ACTR5: variants seen among roughly 807,000 people sequenced by gnomAD.
ACTR5 encodes the protein actin related protein 5.
ACTR5 carries 43 observed loss-of-function variants against 61.2 expected under a neutral mutation model. That is an observed-to-expected ratio of 0.70 (90% confidence interval 0.55 to 0.91). ACTR5 has a LOEUF of 0.91. Ranked by LOEUF, ACTR5 falls within the 40% of genes least tolerant of loss-of-function variation. The probability of loss-of-function intolerance (pLI) is 0.00; values close to 1 mark genes in which losing one functional copy is unlikely to be tolerated. For missense variants in ACTR5, 798 were observed against 782.2 expected, an observed-to-expected ratio of 1.02 and a Z score of -0.24; for synonymous variants, 333 against 310.5, an observed-to-expected ratio of 1.07 and a Z score of -0.76.
At chr20:38,767,703 T>C in intron 8 of ACTR5, 107 bp downstream of exon 8, 3 of 1,301,826 alleles carry the variant, frequency 2.3e-6, no homozygotes, top group Admixed American at 4.8e-5. Context: ...TTTTTGTGGC[T>C]TTTCTTCTGG....
intron 5 of ACTR5, among the ~76,000 whole-genome samples, chr20:38,762,284 G>A (rs1187325981): frequency 6.6e-6 from 1 of 152,234 alleles, no homozygotes; most frequent in East Asian, 1.9e-4. Flanking sequence ...GCTCCTCCCA[G>A]TGTGGCCACT....
chr20:38,757,538 A>G (rs1260800173), intron 5 of ACTR5, among the ~76,000 whole-genome samples: 1 of 151,872 alleles, frequency 6.6e-6, no homozygotes, highest in East Asian at 1.9e-4. Context: ...TTATCCTTTC[A>G]GAAAAAAAAT....
chr20:38,771,497 C>T, intron 8 of ACTR5, 62 bp from the exon 9 acceptor site: 2 of 1,566,106 alleles, frequency 1.3e-6, no homozygotes, highest in Non-Finnish European at 8.7e-7. Context: ...TGTAGCTGAG[C>T]CAGGTCAACA....
rs1202164711 is a variant in ACTR5, at chr20:38,750,187, A to T, written c.553A>T (p.Ile185Phe). ...KPKNSMCSGL[I>F]ISSGYQCTHV... ...AAAGAACTCGATGTGCAGTGGGCTA[A>T]TCATTTCATCTGGATACCAGTGTAC... The change falls in exon 2 of 9, where the codon ATC (isoleucine) becomes TTC (phenylalanine). Residue 185 changes from isoleucine (I) to phenylalanine (F), a missense_variant. Physicochemically the swap from Ile to Phe is conservative, Grantham distance 21. Transcript: ENST00000243903. 6.2e-7 allele frequency: 1 copy of T among 1,614,130 alleles called. No individual in the cohort carries two copies. Among genetic ancestry groups the T allele is most frequent in the African/African-American group, 1.3e-5 (1 of 74,944 alleles).
At chr20:38,755,774 T>A in intron 4 of ACTR5, 83 bp from the exon 5 acceptor site, 1 of 1,517,378 alleles carries the variant, frequency 6.6e-7, no homozygotes, top group South Asian at 1.1e-5. Flanking sequence ...CCAGGGGAGC[T>A]CTGGAAGCCC....
chr20:38,748,890 A>T (rs906896114), intron 1 of ACTR5, 37 bp downstream of exon 1: 2 of 1,567,738 alleles, frequency 1.3e-6, no homozygotes, highest in Non-Finnish European at 1.7e-6. Flanking sequence ...GCTGGGTTTG[A>T]GGGGAGGGGT....
chr20:38,749,928 C>CTTT lies in ACTR5; in HGVS notation c.376-82_376-81insTTT, dbSNP rs2084376169. On this transcript the variant is annotated intron_variant, in intron 1 of 8. Coordinates refer to ENST00000243903, the MANE Select transcript of ACTR5 (RefSeq NM_024855.4). ...GAAGCCAAAAGCAAATTCAGTCCTG[C>CTTT]AATAAGGATTTTGGGTTCTTTTATG... The CTTT allele has an allele frequency of 2.0e-5, 24 of 1,230,236 alleles. 1 individual carries two copies. The highest frequency in any genetic ancestry group is 2.7e-5 in the Non-Finnish European group (24 of 875,366). 76.2% of individuals were successfully genotyped at this position (1,230,236 alleles called of 1,614,324 possible). A position where few individuals can be genotyped will look rare whatever the true frequency, so the allele number is the denominator to read the frequency against.
intron 6 of ACTR5, among the ~76,000 whole-genome samples, chr20:38,765,972 A>G (rs935749585): frequency 5.9e-5 from 9 of 152,104 alleles, no homozygotes; most frequent in African/African-American, 2.2e-4. Flanking sequence ...TGTCCTCTAG[A>G]CTCGGCCTTT....
chr20:38,752,148 G>A lies in ACTR5; in HGVS notation c.623G>A (p.Cys208Tyr). The part of the protein sequence containing the change: ...ILEGRLDAKN[C>Y]KRINLGGSQA... Reference sequence around the variant, plus strand: ...GGTTATAGATTAGATGCTAAAAACTGCAAGCGCATCAATCTTGGAGGAAGC... The same window carrying A: ...GGTTATAGATTAGATGCTAAAAACTACAAGCGCATCAATCTTGGAGGAAGC... The change falls in exon 3 of 9, where the codon TGC becomes TAC. Residue 208 changes from cysteine to tyrosine, a missense_variant. Physicochemically the swap from Cys to Tyr is radical, Grantham distance 194. Coordinates refer to ENST00000243903, the MANE Select transcript of ACTR5 (RefSeq NM_024855.4). 6.2e-7 allele frequency: 1 copy of A among 1,613,522 alleles called. No individual in the cohort carries two copies. The highest frequency in any genetic ancestry group is 8.5e-7 in the Non-Finnish European group (1 of 1,179,642).
chr20:38,755,312 T>C (rs2084413628), intron 4 of ACTR5, 138 bp downstream of exon 4: 1 of 858,860 alleles, frequency 1.2e-6, no homozygotes. Flanking sequence ...TCCAGGGGGA[T>C]CATCAGCATA....
At chr20:38,766,930 A>G (rs1046271685) in intron 7 of ACTR5, among the ~76,000 whole-genome samples, 1 of 152,236 alleles carries the variant, frequency 6.6e-6, no homozygotes, top group African/African-American at 2.4e-5. Flanking sequence ...CTAGCAAGGA[A>G]GAAAAAGCTG....
intron 6 of ACTR5, 75 bp from the exon 7 acceptor site, chr20:38,766,163 C>T (rs1268692614): frequency 7.9e-6 from 12 of 1,520,690 alleles, no homozygotes; most frequent in African/African-American, 1.4e-5. Context: ...TTAAGAAACG[C>T]AGTTTGAGGA....
chr20:38,769,341 C>A (rs1047067859), intron 8 of ACTR5, among the ~76,000 whole-genome samples: 1 of 152,146 alleles, frequency 6.6e-6, no homozygotes, highest in African/African-American at 2.4e-5. Context: ...AAGCCCTTGG[C>A]ACAGTATTAC....
Position 38,750,224 on chromosome 20 carries a change from C to T in ACTR5, c.590C>T (p.Pro197Leu). 6.2e-7 allele frequency: 1 copy of T among 1,613,964 alleles called. No individual in the cohort carries two copies. Among genetic ancestry groups the T allele is most frequent in the South Asian group, 1.1e-5 (1 of 91,008 alleles). ...GGATACCAGTGTACGCATGTTTTAC[C>T]CATCTTAGAAGGGAGGTGAGTTGCA... ...SSGYQCTHVL[P>L]ILEGRLDAKN... Residue 197 changes from proline (P) to leucine (L), a missense_variant, in exon 2 of 9, where the codon CCC (proline) becomes CTC (leucine). By Grantham distance (98) the Pro-to-Leu change is moderately conservative. Transcript: ENST00000243903.
intron 5 of ACTR5, among the ~76,000 whole-genome samples, chr20:38,764,802 T>C (rs1357759601): frequency 1.3e-5 from 2 of 152,220 alleles, no homozygotes; most frequent in Admixed American, 6.5e-5. Flanking sequence ...CCCAAGTAGC[T>C]GGGGCTGTAG....
At position 38,766,389 on chromosome 20, in the gene ACTR5, A is replaced by C. The variant is rs757197053; in HGVS notation, c.1433+12A>C. On this transcript the variant is annotated intron_variant, in intron 7 of 8. Transcript: ENST00000243903. The stretch of plus-strand genomic sequence containing the variant: ...TACATTCTGGACAGGTGAGACAGCG[A>C]ATCTGCTTTTCCTTCTATCTTCCTG... 1.3e-6 allele frequency: 2 copies of C among 1,567,798 alleles called. No homozygotes were observed. The highest frequency in any genetic ancestry group is 2.7e-5 in the African/African-American group (2 of 72,936).
Position 38,752,250 on chromosome 20 carries a change from T to C in ACTR5, c.725T>C (p.Met242Thr). Residue 242 changes from methionine to threonine, a missense_variant, in exon 3 of 9, where the codon ATG becomes ACG. By Grantham distance (81) the Met-to-Thr change is moderately conservative. Transcript: ENST00000243903. ...CTGGCAGCCATCACCCTCAGCCGCA[T>C]GGAGGAGATTCTGCATGAGCACAGC... is the stretch of plus-strand genomic sequence containing the variant. Reference protein sequence around the residue: ...GHLAAITLSRMEEILHEHSYI... With the variant: ...GHLAAITLSRTEEILHEHSYI... The C allele has an allele frequency of 6.2e-7, 1 of 1,613,984 alleles. No individual in the cohort carries two copies. The highest frequency in any genetic ancestry group is 2.2e-5 in the East Asian group (1 of 44,876).
intron 8 of ACTR5, among the ~76,000 whole-genome samples, chr20:38,770,024 C>T (rs2084510761): frequency 6.6e-6 from 1 of 152,182 alleles, no homozygotes; most frequent in Admixed American, 6.5e-5. Context: ...ACTCTGTGAG[C>T]ATTGGTTGTG....
chr20:38,753,090 A>G (rs2084396434), intron 3 of ACTR5, among the ~76,000 whole-genome samples: 1 of 152,238 alleles, frequency 6.6e-6, no homozygotes, highest in Non-Finnish European at 1.5e-5. Context: ...AGGGAAATAA[A>G]TAATTGATGA....
Sources: allele counts gnomAD v4.1 joint callset (sites outside exome capture counted in the v4.1 genomes callset), GRCh38; gene constraint gnomAD v4.1.1; transcripts MANE v1.5; gene names NCBI Gene and HGNC (gene_info 2026-07-23, HGNC 2026-07-21).